Variants in NFIB observed in about 807,000 individuals in gnomAD.
The protein encoded by NFIB is nuclear factor I B.
NFIB carries 11 observed loss-of-function variants against 61.5 expected under a neutral mutation model. The ratio of observed to expected loss-of-function variants is 0.18; its 90% CI spans 0.11 to 0.30. The LOEUF (loss-of-function observed/expected upper bound fraction) is 0.30. Among genes scored for constraint, NFIB ranks in the 10% least tolerant of loss-of-function variants. The probability of loss-of-function intolerance (pLI) is 1.00; values close to 1 mark genes in which losing one functional copy is unlikely to be tolerated. For synonymous variants in NFIB, 260 were observed against 216.5 expected (o/e 1.20, Z -1.76); for missense variants, 471 against 608.9 (o/e 0.77, Z 2.38).
At chr9:14,376,518 ATTTTT>A (rs35781223) in intron 1 of NFIB, among the ~76,000 whole-genome samples, 1 of 141,248 alleles carries the variant, frequency 7.1e-6, no homozygotes, top group African/African-American at 2.6e-5. Context: ...TAAAAGTGTC[ATTTTT>A]TTTTTTTTTT....
chr9:14,401,375 C>A (rs1360075007), upstream of NFIB, among the ~76,000 whole-genome samples: 1 of 152,152 alleles, frequency 6.6e-6, no homozygotes, highest in African/African-American at 2.4e-5. Flanking sequence ...CCTCGTGAGG[C>A]CTTGCTTCCA....
the NFIB span, among the ~76,000 whole-genome samples, chr9:14,436,881 G>A: frequency 6.6e-6 from 1 of 152,184 alleles, no homozygotes; most frequent in African/African-American, 2.4e-5. Context: ...ATAGTCTAGT[G>A]ACTGAGACAC....
the NFIB span, among the ~76,000 whole-genome samples, chr9:14,463,555 G>T: frequency 6.6e-6 from 1 of 151,992 alleles, no homozygotes; most frequent in South Asian, 2.1e-4. Context: ...TCCTTGCAGA[G>T]TGGCATCGTT....
intron 5 of NFIB, among the ~76,000 whole-genome samples, chr9:14,147,813 A>G (rs534393483): frequency 1.5e-4 from 22 of 151,708 alleles, no homozygotes; most frequent in African/African-American, 5.3e-4. Flanking sequence ...AGCTGATTTT[A>G]GTATTTTTTG....
At chr9:14,468,651 G>C in the NFIB span, among the ~76,000 whole-genome samples, 1 of 152,234 alleles carries the variant, frequency 6.6e-6, no homozygotes, top group Non-Finnish European at 1.5e-5. Context: ...ACTCGAATAA[G>C]ATGCTGGCAG....
At chr9:14,445,375 A>G in the NFIB span, among the ~76,000 whole-genome samples, 1 of 152,062 alleles carries the variant, frequency 6.6e-6, no homozygotes, top group Admixed American at 6.5e-5. Context: ...CTTTTTCCTG[A>G]TCTTCAAGAG....
intron 10 of NFIB, among the ~76,000 whole-genome samples, chr9:14,089,462 T>C (rs1219258984): frequency 6.6e-6 from 1 of 151,962 alleles, no homozygotes; most frequent in Non-Finnish European, 1.5e-5. Flanking sequence ...AAATCAGATC[T>C]ACATATCATG....
intron 2 of NFIB, chr9:14,204,316 G>A (rs2049383441): frequency 8.3e-6 from 6 of 722,512 alleles, no homozygotes; most frequent in South Asian, 6.0e-5. Flanking sequence ...AGAAGCAGGA[G>A]GCCAAGAAAG....
chr9:14,215,453 T>C (rs2050757361), intron 2 of NFIB, among the ~76,000 whole-genome samples: 1 of 152,088 alleles, frequency 6.6e-6, no homozygotes. Context: ...GGTGAAAAAT[T>C]GTCAGAAAGC....
At chr9:14,400,314 G>C (rs561801645), upstream of NFIB, among the ~76,000 whole-genome samples, 62 of 152,132 alleles carry the variant, frequency 4.1e-4, no homozygotes, top group Non-Finnish European at 8.1e-4. Context: ...ATTCAGAAAC[G>C]ATGTTTGCTG....
At chr9:14,391,719 CA>C (rs2061625011) in intron 1 of NFIB, among the ~76,000 whole-genome samples, 1 of 152,012 alleles carries the variant, frequency 6.6e-6, no homozygotes, top group Admixed American at 6.5e-5. Context: ...AGGGAAGAAT[CA>C]GGGGAGAAAA....
At chr9:14,383,158 C>T (rs539932463) in intron 1 of NFIB, among the ~76,000 whole-genome samples, 2 of 152,224 alleles carry the variant, frequency 1.3e-5, no homozygotes, top group South Asian at 2.1e-4. Context: ...AAAGAAAGCT[C>T]GGTAGCAAAT....
chr9:14,172,886 C>T (rs2045726596), intron 3 of NFIB, among the ~76,000 whole-genome samples: 1 of 152,098 alleles, frequency 6.6e-6, no homozygotes, highest in African/African-American at 2.4e-5. Flanking sequence ...TCTCCTGCCT[C>T]AGCCTCCCAA....
At chr9:14,091,943 T>C (rs1052139485) in intron 10 of NFIB, among the ~76,000 whole-genome samples, 1 of 152,180 alleles carries the variant, frequency 6.6e-6, no homozygotes, top group Non-Finnish European at 1.5e-5. Context: ...ATTCCAAAAA[T>C]AAAATGTTTG....
chr9:14,174,258 G>C (rs1587311801), intron 3 of NFIB, among the ~76,000 whole-genome samples: 1 of 152,028 alleles, frequency 6.6e-6, no homozygotes. Flanking sequence ...ACGATGTCAG[G>C]TCTTACCTGC....
chr9:14,198,291 T>A (rs2131606616), intron 2 of NFIB, among the ~76,000 whole-genome samples: 1 of 152,310 alleles, frequency 6.6e-6, no homozygotes, highest in East Asian at 1.9e-4. Context: ...TCGTTTCGGA[T>A]GTTCACTATG....
At chr9:14,388,186 A>G (rs2133022235) in intron 1 of NFIB, among the ~76,000 whole-genome samples, 1 of 152,274 alleles carries the variant, frequency 6.6e-6, no homozygotes, top group African/African-American at 2.4e-5. Context: ...TACAAGGATG[A>G]GTTGCAAAAG....
intron 2 of NFIB, among the ~76,000 whole-genome samples, chr9:14,212,646 A>G (rs552111993): frequency 6.6e-6 from 1 of 150,550 alleles, no homozygotes; most frequent in East Asian, 1.9e-4. Flanking sequence ...GGAAAAAAAA[A>G]AAACATGTTT....
chr9:14,193,275 C>T (rs1055648089), intron 2 of NFIB, among the ~76,000 whole-genome samples: 1 of 151,918 alleles, frequency 6.6e-6, no homozygotes, highest in Non-Finnish European at 1.5e-5. Flanking sequence ...CAAGTTTTTT[C>T]TTGTGCATGT....
Sources: allele counts gnomAD v4.1 joint callset (sites outside exome capture counted in the v4.1 genomes callset), GRCh38; gene constraint gnomAD v4.1.1; transcripts MANE v1.5; gene names NCBI Gene and HGNC (gene_info 2026-07-23, HGNC 2026-07-21).